Variants in PPP2CB observed in about 807,000 individuals in gnomAD.
PPP2CB encodes serine/threonine-protein phosphatase 2A catalytic subunit beta isoform.
PPP2CB carries 18 observed loss-of-function variants against 39.1 expected under a neutral mutation model. The ratio of observed to expected loss-of-function variants is 0.46; its 90% CI spans 0.32 to 0.68. The LOEUF (loss-of-function observed/expected upper bound fraction) is 0.68, where lower values mean the gene tolerates loss of function less well. PPP2CB is among the 30% of genes least tolerant of loss of function. PPP2CB has a pLI of 0.04. For missense variants in PPP2CB, 226 were observed against 396.9 expected, an observed-to-expected ratio of 0.57 and a Z score of 3.66; for synonymous variants, 129 against 133.8, an observed-to-expected ratio of 0.96 and a Z score of 0.25.
chr8:30,804,922 C>T (rs1340923515), intron 1 of PPP2CB, among the ~76,000 whole-genome samples: 18 of 152,080 alleles, frequency 1.2e-4, no homozygotes, highest in Non-Finnish European at 1.2e-4. Context: ...GAATTCAAGC[C>T]CATCACTGTC....
At chr8:30,802,166 T>C (rs1806637448) in intron 1 of PPP2CB, among the ~76,000 whole-genome samples, 1 of 152,220 alleles carries the variant, frequency 6.6e-6, no homozygotes, top group Non-Finnish European at 1.5e-5. Flanking sequence ...TGAGATTATA[T>C]GCAATGAAGT....
intron 1 of PPP2CB, among the ~76,000 whole-genome samples, chr8:30,801,755 T>G (rs1261542328): frequency 6.6e-6 from 1 of 152,208 alleles, no homozygotes; most frequent in Non-Finnish European, 1.5e-5. Flanking sequence ...TGAGGGATAC[T>G]CAACCTGTAG....
At chr8:30,796,761 G>T (rs1806533143) in intron 3 of PPP2CB, among the ~76,000 whole-genome samples, 3 of 152,196 alleles carry the variant, frequency 2.0e-5, no homozygotes, top group South Asian at 2.1e-4. Flanking sequence ...TAGGAAATTT[G>T]CATAATTTCT....
At chr8:30,786,867 C>T (rs764376686) in intron 6 of PPP2CB, among the ~76,000 whole-genome samples, 4 of 151,670 alleles carry the variant, frequency 2.6e-5, no homozygotes, top group African/African-American at 4.8e-5. Context: ...GGGGTTTCAC[C>T]GTGTTAGCCA....
At chr8:30,799,269 A>G (rs1306888667) in intron 2 of PPP2CB, among the ~76,000 whole-genome samples, 1 of 152,232 alleles carries the variant, frequency 6.6e-6, no homozygotes, top group Non-Finnish European at 1.5e-5. Flanking sequence ...GCAAGGATTT[A>G]AAAAGACTTG....
chr8:30,792,490 C>A (rs1332842340), intron 5 of PPP2CB, among the ~76,000 whole-genome samples: 2 of 152,154 alleles, frequency 1.3e-5, no homozygotes, highest in African/African-American at 4.8e-5. Context: ...TTTGCCCAGG[C>A]TGGAGTGCAG....
At chr8:30,809,832 G>C (rs1806793527) in intron 1 of PPP2CB, among the ~76,000 whole-genome samples, 1 of 152,062 alleles carries the variant, frequency 6.6e-6, no homozygotes, top group Non-Finnish European at 1.5e-5. Flanking sequence ...AGCTACTTGA[G>C]AGGCTGAAGT....
At chr8:30,810,123 G>C (rs1222819949) in intron 1 of PPP2CB, 1 of 152,220 alleles carries the variant, frequency 6.6e-6, no homozygotes, top group Non-Finnish European at 1.5e-5. Context: ...TACAGCAGTG[G>C]TACAATATTC....
chr8:30,803,214 T>A (rs751234881), intron 1 of PPP2CB, among the ~76,000 whole-genome samples: 3 of 152,134 alleles, frequency 2.0e-5, no homozygotes, highest in Non-Finnish European at 4.4e-5. Flanking sequence ...ATGGTCTTAA[T>A]CTTCTTGACA....
chr8:30,803,543 TAAAAAAAAAAAAA>T (rs1806661342), intron 1 of PPP2CB, among the ~76,000 whole-genome samples: 1 of 142,650 alleles, frequency 7.0e-6, no homozygotes, highest in South Asian at 2.2e-4. Context: ...ATCCTGCCTT[TAAAAAAAAAAAAA>T]GCAGCTTCCT....
chr8:30,792,015 T>C (rs1806445285), intron 5 of PPP2CB, among the ~76,000 whole-genome samples: 1 of 132,230 alleles, frequency 7.6e-6, no homozygotes, highest in African/African-American at 3.6e-5. Context: ...CACACATACA[T>C]GTGTGTATAT....
At chr8:30,798,379 T>C (rs1168691896) in intron 2 of PPP2CB, among the ~76,000 whole-genome samples, 8 of 152,244 alleles carry the variant, frequency 5.3e-5, no homozygotes, top group Admixed American at 5.2e-4. Flanking sequence ...AAGCTGCAAG[T>C]ATGTACTTCA....
chr8:30,787,009 C>T (rs185163394), intron 6 of PPP2CB, among the ~76,000 whole-genome samples: 70 of 152,104 alleles, frequency 4.6e-4, no homozygotes, highest in African/African-American at 1.5e-3. Context: ...TGGATTTTTC[C>T]AATTATTTTT....
intron 3 of PPP2CB, 110 bp downstream of exon 3, chr8:30,797,471 G>A (rs1806546093): frequency 9.1e-7 from 1 of 1,102,660 alleles, no homozygotes; most frequent in African/African-American, 1.6e-5. Flanking sequence ...GGAGGAAAAG[G>A]CCGAGGAGAT....
chr8:30,793,299 G>A (rs1267468429), intron 5 of PPP2CB: 1 of 152,142 alleles, frequency 6.6e-6, no homozygotes, highest in Non-Finnish European at 1.5e-5. Flanking sequence ...AATGAAAATC[G>A]GAGGATTTCC....
chr8:30,797,803 G>A (rs758017283), intron 2 of PPP2CB, 49 bp from the exon 3 acceptor site: 4 of 1,570,684 alleles, frequency 2.5e-6, no homozygotes, highest in Non-Finnish European at 2.6e-6. Context: ...TTTTACTAGT[G>A]TCATGTGAAG....
Position 30,797,616 on chromosome 8 carries a change from CAA to C in PPP2CB, c.449_450del (p.Phe150Ter). The C allele has an allele frequency of 6.2e-7, 1 of 1,613,882 alleles. No individual in the cohort carries two copies. The highest frequency in any genetic ancestry group is 8.5e-7 in the Non-Finnish European group (1 of 1,179,828). On this transcript the variant is annotated frameshift_variant, in exon 3 of 7. Transcript: ENST00000221138. LOFTEE classifies it high-confidence loss of function. The part of the protein sequence containing the change: ...ANVWKYFTDL[F>X]DYLPLTALVD... Reference sequence around the variant, plus strand: ...ACTAAAGCTGTAAGTGGAAGATAATCAAAGAGATCTGTAAAATATTTCCAAAC... The same window carrying C: ...ACTAAAGCTGTAAGTGGAAGATAATCAGAGATCTGTAAAATATTTCCAAAC...
rs1413331452 is a variant in PPP2CB, at chr8:30,812,476, C to G, written c.-55G>C. 2.6e-5 allele frequency: 35 copies of G among 1,320,868 alleles called. No homozygotes were observed. Among genetic ancestry groups the G allele is most frequent in the South Asian group, 2.6e-4 (18 of 69,918 alleles). 81.8% of individuals were successfully genotyped at this position (1,320,868 alleles called of 1,614,324 possible). A position where few individuals can be genotyped will look rare whatever the true frequency, so the allele number is the denominator to read the frequency against. On this transcript the variant is annotated 5_prime_UTR_variant, in exon 1 of 7. Transcript: ENST00000221138. ...CCCCAGCCCGGCCGCCGCCCTCCCC[C>G]CTCCCCACCCGCCCCCGGCCCCGGC... is the stretch of plus-strand genomic sequence containing the variant.
intron 5 of PPP2CB, 91 bp from the exon 6 acceptor site, chr8:30,791,406 G>A (rs1806425913): frequency 1.1e-6 from 1 of 881,792 alleles, no homozygotes; most frequent in Non-Finnish European, 1.8e-6. Flanking sequence ...AAAACTACAG[G>A]TACTCTCTGT....
Sources: allele counts gnomAD v4.1 joint callset (sites outside exome capture counted in the v4.1 genomes callset), GRCh38; gene constraint gnomAD v4.1.1; transcripts MANE v1.5; gene names NCBI Gene and HGNC (gene_info 2026-07-23, HGNC 2026-07-21).